The following SNX24 variants were observed in gnomAD, a reference collection of about 807,000 sequenced individuals.
SNX24 encodes sorting nexin 24, also known as sorting nexin-24.
In SNX24, 22 loss-of-function variants were observed where a neutral mutation model predicts 28.7. The ratio of observed to expected loss-of-function variants is 0.77; its 90% CI spans 0.55 to 1.10. The LOEUF (loss-of-function observed/expected upper bound fraction) is 1.10, where lower values mean the gene tolerates loss of function less well. Among genes scored for constraint, SNX24 ranks in the 50% least tolerant of loss-of-function variants. SNX24 has a pLI of 0.00. For synonymous variants in SNX24, 69 were observed against 71.5 expected (o/e 0.96, Z 0.18); for missense variants, 221 against 201.1 (o/e 1.10, Z -0.60).
chr5:122,934,917 T>G (rs764634054), intron 1 of SNX24, among the ~76,000 whole-genome samples: 1 of 151,534 alleles, frequency 6.6e-6, no homozygotes. Flanking sequence ...AACTTGGTAA[T>G]GGAACCATCT....
At chr5:123,014,262 A>G (rs545607511) in intron 5 of SNX24, among the ~76,000 whole-genome samples, 235 of 151,482 alleles carry the variant, frequency 1.6e-3, no homozygotes, top group African/African-American at 5.4e-3. Context: ...CACCTCCTGG[A>G]AACAAGCAAT....
intron 1 of SNX24, among the ~76,000 whole-genome samples, chr5:122,908,981 G>C (rs577715896): frequency 2.0e-5 from 3 of 152,106 alleles, no homozygotes; most frequent in Non-Finnish European, 4.4e-5. Context: ...CTCTAAGAAA[G>C]GTTGTGATTG....
chr5:123,004,454 C>T (rs1039710910), intron 6 of SNX24, among the ~76,000 whole-genome samples: 1 of 152,096 alleles, frequency 6.6e-6, no homozygotes, highest in African/African-American at 2.4e-5. Flanking sequence ...CTTGGCTTTC[C>T]CACTTCCTTC....
At chr5:122,900,322 G>A in intron 1 of SNX24, among the ~76,000 whole-genome samples, 1 of 152,234 alleles carries the variant, frequency 6.6e-6, no homozygotes, top group African/African-American at 2.4e-5. Context: ...TTACAATTTT[G>A]AGAGTGTGTG....
At chr5:122,951,160 A>G (rs1037507551) in intron 3 of SNX24, among the ~76,000 whole-genome samples, 1 of 150,502 alleles carries the variant, frequency 6.6e-6, no homozygotes, top group Non-Finnish European at 1.5e-5. Context: ...CCAGCTACTC[A>G]GGAGGCTGAG....
intron 1 of SNX24, among the ~76,000 whole-genome samples, chr5:122,849,643 A>G (rs1375696803): frequency 6.6e-6 from 1 of 152,044 alleles, no homozygotes; most frequent in Non-Finnish European, 1.5e-5. Context: ...AAGAAGTAGG[A>G]GATGGTAGTG....
intron 3 of SNX24, among the ~76,000 whole-genome samples, chr5:122,955,572 C>T (rs544850873): frequency 6.6e-6 from 1 of 152,278 alleles, no homozygotes; most frequent in African/African-American, 2.4e-5. Flanking sequence ...GAAGACATTA[C>T]CTTGTTTTTC....
At chr5:122,873,760 C>CTTTTTTT (rs909560379) in intron 1 of SNX24, among the ~76,000 whole-genome samples, 5 of 120,640 alleles carry the variant, frequency 4.1e-5, no homozygotes, top group Admixed American at 8.6e-5. Context: ...CAAAGGGAAT[C>CTTTTTTT]TTTTTTTTTT....
intron 1 of SNX24, among the ~76,000 whole-genome samples, chr5:122,915,151 C>G (rs1001044718): frequency 2.0e-5 from 3 of 152,120 alleles, no homozygotes; most frequent in Non-Finnish European, 2.9e-5. Flanking sequence ...CAACTTACTG[C>G]CAAGTGCTGT....
chr5:122,948,362 A>G (rs1458640935), intron 3 of SNX24, among the ~76,000 whole-genome samples: 1 of 152,136 alleles, frequency 6.6e-6, no homozygotes. Flanking sequence ...TGCCACCAGC[A>G]CTTTCTCAGC....
At chr5:122,965,552 A>G in intron 3 of SNX24, 1 of 433,786 alleles carries the variant, frequency 2.3e-6, no homozygotes, top group Non-Finnish European at 4.7e-6. Flanking sequence ...TTTATAAGAG[A>G]AATTGCCACT....
At chr5:122,995,637 CCT>C (rs1367213827) in intron 3 of SNX24, among the ~76,000 whole-genome samples, 2 of 152,152 alleles carry the variant, frequency 1.3e-5, no homozygotes, top group Non-Finnish European at 2.9e-5. Flanking sequence ...ATTAATTCTG[CCT>C]CTCACAGTAT....
rs188204683 is a variant in SNX24 at position 122,937,340 on chromosome 5, G to A, written c.144+523G>A. Among the ~76,000 whole-genome samples, 602 of 152,160 alleles carry A rather than the reference G, an allele frequency of 4.0e-3. 19 individuals are homozygous for A. Among genetic ancestry groups the A allele is most frequent in the Admixed American group, 0.033 (498 of 15,284 alleles). Reference sequence around the variant, plus strand: ...TCTTAGCCTTTTTTTGAATTGTAAAGGGCCACTTTACAAAACTGATGTTTC... The same window carrying A: ...TCTTAGCCTTTTTTTGAATTGTAAAAGGCCACTTTACAAAACTGATGTTTC... On this transcript the variant is annotated intron_variant, in intron 2 of 6. Coordinates refer to ENST00000261369, the MANE Select transcript of SNX24 (RefSeq NM_014035.4).
intron 1 of SNX24, among the ~76,000 whole-genome samples, chr5:122,899,612 TTGCCCAGGC>T (rs1183306603): frequency 6.6e-6 from 1 of 152,170 alleles, no homozygotes; most frequent in Non-Finnish European, 1.5e-5. Context: ...TTTTGCCATG[TTGCCCAGGC>T]TGGTCTCAAA....
At chr5:122,962,647 G>C (rs574520379) in intron 3 of SNX24, among the ~76,000 whole-genome samples, 8 of 152,266 alleles carry the variant, frequency 5.3e-5, no homozygotes, top group Non-Finnish European at 1.0e-4. Flanking sequence ...GCATAGGCCA[G>C]TGGAGGAGGC....
At chr5:122,899,180 T>TA (rs1380935554) in intron 1 of SNX24, among the ~76,000 whole-genome samples, 1 of 152,194 alleles carries the variant, frequency 6.6e-6, no homozygotes, top group Non-Finnish European at 1.5e-5. Context: ...GTCTTCAACA[T>TA]ACACCTGGCT....
At chr5:122,879,121 A>G (rs1375850688) in intron 1 of SNX24, among the ~76,000 whole-genome samples, 1 of 152,162 alleles carries the variant, frequency 6.6e-6, no homozygotes. Context: ...CTAACATGTA[A>G]TCTGTGTAAA....
At chr5:122,930,119 A>G (rs1758886391) in intron 1 of SNX24, among the ~76,000 whole-genome samples, 1 of 152,120 alleles carries the variant, frequency 6.6e-6, no homozygotes, top group South Asian at 2.1e-4. Context: ...TTGACCACAA[A>G]TCTTTCTAGA....
intron 1 of SNX24, among the ~76,000 whole-genome samples, chr5:122,907,880 C>T (rs1757708893): frequency 1.3e-5 from 2 of 151,330 alleles, no homozygotes; most frequent in Non-Finnish European, 2.9e-5. Flanking sequence ...TTATAGCTCA[C>T]TGAATGGTAA....
Sources: gnomAD v4.1 joint callset for allele counts (sites outside exome capture counted in the v4.1 genomes callset) on GRCh38, gnomAD v4.1.1 for gene constraint, MANE v1.5 for transcripts, NCBI Gene and HGNC (gene_info 2026-07-23, HGNC 2026-07-21) for gene names.